Variants in OPCML observed in about 807,000 individuals in gnomAD.
The protein encoded by OPCML is opioid binding protein/cell adhesion molecule like, also known as opioid-binding protein/cell adhesion molecule.
OPCML carries 13 observed loss-of-function variants against 37.8 expected under a neutral mutation model. The ratio of observed to expected loss-of-function variants is 0.34; its 90% confidence interval spans 0.22 to 0.55. OPCML has a LOEUF of 0.55. Ranked by LOEUF, OPCML falls within the 20% of genes least tolerant of loss-of-function variation. OPCML has a pLI of 0.91. For missense variants in OPCML, 341 were observed against 435.6 expected, an observed-to-expected ratio of 0.78 and a Z score of 1.93; for synonymous variants, 176 against 168.8, an observed-to-expected ratio of 1.04 and a Z score of -0.33.
At chr11:133,412,034 T>A (rs1332259744) in intron 1 of OPCML, among the ~76,000 whole-genome samples, 1 of 151,800 alleles carries the variant, frequency 6.6e-6, no homozygotes, top group Non-Finnish European at 1.5e-5. Flanking sequence ...GTAATCAGAG[T>A]TCCAAGAGGA....
intron 1 of OPCML, among the ~76,000 whole-genome samples, chr11:132,956,162 C>T (rs966025149): frequency 3.9e-5 from 6 of 152,098 alleles, no homozygotes; most frequent in Non-Finnish European, 8.8e-5. Flanking sequence ...AGGTGGAGAA[C>T]AAGAATTAGA....
chr11:132,657,346 G>A (rs766831164), intron 2 of OPCML, 27 bp from the exon 3 acceptor site: 1 of 1,611,176 alleles, frequency 6.2e-7, no homozygotes, highest in Admixed American at 1.7e-5. Flanking sequence ...AGTGGTGGAG[G>A]GAGGAAGAAG....
At chr11:132,655,335 G>A (rs188834769) in intron 3 of OPCML, among the ~76,000 whole-genome samples, 221 of 152,304 alleles carry the variant, frequency 1.5e-3, no homozygotes, top group Admixed American at 2.5e-3. Flanking sequence ...GGCAGGTGGG[G>A]TAGTGAGAGC....
intron 1 of OPCML, among the ~76,000 whole-genome samples, chr11:133,489,999 A>C (rs1016951893): frequency 5.3e-5 from 8 of 152,206 alleles, no homozygotes; most frequent in Non-Finnish European, 1.2e-4. Flanking sequence ...CATGCATGGA[A>C]CTGGAGACCA....
At chr11:132,611,960 A>T (rs1217672806) in intron 3 of OPCML, among the ~76,000 whole-genome samples, 2 of 152,208 alleles carry the variant, frequency 1.3e-5, no homozygotes, top group African/African-American at 4.8e-5. Flanking sequence ...GAGACGTTCC[A>T]CAGGAAAAAC....
intron 1 of OPCML, among the ~76,000 whole-genome samples, chr11:133,409,947 G>T (rs1277824501): frequency 6.6e-6 from 1 of 152,056 alleles, no homozygotes; most frequent in Non-Finnish European, 1.5e-5. Flanking sequence ...GGGTCACATA[G>T]CTATCTGCAG....
intron 1 of OPCML, among the ~76,000 whole-genome samples, chr11:133,018,590 C>A (rs541652016): frequency 6.6e-6 from 1 of 152,290 alleles, no homozygotes; most frequent in South Asian, 2.1e-4. Flanking sequence ...GGAAAAGGGA[C>A]CTGAATTGTG....
intron 1 of OPCML, among the ~76,000 whole-genome samples, chr11:132,956,244 C>T (rs142230389): frequency 8.5e-5 from 13 of 152,208 alleles, no homozygotes; most frequent in Middle Eastern, 3.4e-3. Flanking sequence ...AGAAGTTAAT[C>T]ACGGTGGAAA....
At chr11:132,544,510 T>C (rs2096364467) in intron 3 of OPCML, among the ~76,000 whole-genome samples, 1 of 152,232 alleles carries the variant, frequency 6.6e-6, no homozygotes, top group African/African-American at 2.4e-5. Context: ...CAAATCTTTT[T>C]GGAAAGCAGT....
At chr11:133,386,367 C>T (rs1006758600) in intron 1 of OPCML, among the ~76,000 whole-genome samples, 5 of 152,200 alleles carry the variant, frequency 3.3e-5, no homozygotes, top group African/African-American at 1.2e-4. Context: ...CTTTCAAGAG[C>T]CGTTTGCTTA....
chr11:133,335,798 T>C (rs578228115), intron 1 of OPCML, among the ~76,000 whole-genome samples: 85 of 152,094 alleles, frequency 5.6e-4, no homozygotes, highest in African/African-American at 2.0e-3. Context: ...CTGGCAAGTG[T>C]AGCTCCCAAG....
intron 3 of OPCML, among the ~76,000 whole-genome samples, chr11:132,631,513 G>T (rs1191793605): frequency 6.6e-6 from 1 of 150,936 alleles, no homozygotes; most frequent in Admixed American, 6.6e-5. Flanking sequence ...AGGCTGGAGT[G>T]CAGTGGCAAG....
At chr11:132,565,096 C>A (rs1431458212) in intron 3 of OPCML, among the ~76,000 whole-genome samples, 2 of 152,292 alleles carry the variant, frequency 1.3e-5, no homozygotes, top group Middle Eastern at 6.8e-3. Context: ...TCTCTACAAT[C>A]TGTCAGACTT....
intron 2 of OPCML, among the ~76,000 whole-genome samples, chr11:132,696,547 G>T (rs541016168): frequency 1.1e-4 from 17 of 151,920 alleles, no homozygotes; most frequent in Admixed American, 2.6e-4. Context: ...TAATTGTCAG[G>T]GAAAAATAAC....
chr11:132,659,418 T>C (rs1008143399), intron 2 of OPCML, among the ~76,000 whole-genome samples: 7 of 152,130 alleles, frequency 4.6e-5, no homozygotes, highest in African/African-American at 1.7e-4. Context: ...CTAAAGAAAG[T>C]TCAAATAGTA....
intron 1 of OPCML, among the ~76,000 whole-genome samples, chr11:133,141,009 C>CGACGACGACGAA (rs1949805278): frequency 1.6e-4 from 1 of 6,124 alleles, no homozygotes; most frequent in African/African-American, 3.9e-4. Flanking sequence ...ACGACGACGA[C>CGACGACGACGAA]GACGACGACG....
intron 1 of OPCML, among the ~76,000 whole-genome samples, chr11:133,134,749 C>T (rs1654898175): frequency 6.6e-6 from 1 of 152,196 alleles, no homozygotes; most frequent in Non-Finnish European, 1.5e-5. Context: ...CTGCTACGAC[C>T]ACCAGGTGGT....
chr11:132,790,018 C>A (rs537223682), intron 2 of OPCML, among the ~76,000 whole-genome samples: 2 of 152,002 alleles, frequency 1.3e-5, no homozygotes, highest in African/African-American at 4.8e-5. Flanking sequence ...CATAAGTGTA[C>A]GAAAACAATA....
At chr11:133,129,718 C>A (rs1949574835) in intron 1 of OPCML, among the ~76,000 whole-genome samples, 1 of 151,956 alleles carries the variant, frequency 6.6e-6, no homozygotes, top group African/African-American at 2.4e-5. Context: ...ACCTGGGCAA[C>A]ATAGCAAGAA....
Sources: allele counts gnomAD v4.1 joint callset (sites outside exome capture counted in the v4.1 genomes callset), GRCh38; gene constraint gnomAD v4.1.1; transcripts MANE v1.5; gene names NCBI Gene and HGNC (gene_info 2026-07-23, HGNC 2026-07-21).